Variants in CLSTN2 observed in about 807,000 individuals in gnomAD.
The protein encoded by CLSTN2 is calsyntenin 2.
CLSTN2 carries 48 observed loss-of-function variants against 101.2 expected under a neutral mutation model. That is an observed-to-expected ratio of 0.47 (90% CI 0.38 to 0.60). CLSTN2 has a LOEUF of 0.60. CLSTN2 is among the 20% of genes least tolerant of loss of function. CLSTN2 has a pLI of 0.00. For missense variants in CLSTN2, 1,160 were observed against 1,238.2 expected (o/e 0.94, Z 0.95); for synonymous variants, 481 against 463.6 (o/e 1.04, Z -0.48).
intron 1 of CLSTN2, among the ~76,000 whole-genome samples, chr3:140,151,974 G>T (rs531562778): frequency 1.3e-5 from 2 of 152,252 alleles, no homozygotes; most frequent in East Asian, 1.9e-4. Context: ...ACCATCTTTT[G>T]CTTCTCCGCC....
At chr3:140,167,661 G>T (rs1458955835) in intron 1 of CLSTN2, among the ~76,000 whole-genome samples, 1 of 152,142 alleles carries the variant, frequency 6.6e-6, no homozygotes, top group African/African-American at 2.4e-5. Context: ...ATACAGAATG[G>T]TTTCATCGTC....
intron 1 of CLSTN2, among the ~76,000 whole-genome samples, chr3:139,963,419 C>T (rs115939323): frequency 0.012 from 1,774 of 152,076 alleles, 25 homozygotes; most frequent in African/African-American, 0.04. Context: ...CCTGTATGCC[C>T]AATAGACTTC....
intron 10 of CLSTN2, among the ~76,000 whole-genome samples, chr3:140,554,205 G>T (rs969191935): frequency 2.0e-4 from 30 of 152,286 alleles, no homozygotes; most frequent in African/African-American, 7.0e-4. Context: ...AAGTACACAT[G>T]TGATGGTCGA....
Position 140,305,069 on chromosome 3 carries a change from CTCTG to C in CLSTN2, c.233-98556_233-98553del, listed in dbSNP as rs1321451914. ...ACACACACACACTCTCTCTCTCTCT[CTCTG>C]TCTCTCTTTCTCTCTCTCTCTCTAT... is the stretch of plus-strand genomic sequence containing the variant. On this transcript the variant is annotated intron_variant, in intron 2 of 16. Coordinates refer to ENST00000458420, the MANE Select transcript of CLSTN2 (RefSeq NM_022131.3). Among the ~76,000 whole-genome samples the C allele has an allele frequency of 1.3e-3, 190 of 151,586 alleles. 2 individuals carry two copies. The highest frequency in any genetic ancestry group is 9.6e-3 in the Admixed American group (145 of 15,182).
At chr3:140,095,066 G>A (rs372584320) in intron 1 of CLSTN2, among the ~76,000 whole-genome samples, 11 of 152,276 alleles carry the variant, frequency 7.2e-5, no homozygotes, top group African/African-American at 2.6e-4. Context: ...TGAGAGTCTT[G>A]TAGTATTCTT....
At chr3:140,014,921 G>C (rs1298492317) in intron 1 of CLSTN2, among the ~76,000 whole-genome samples, 1 of 152,228 alleles carries the variant, frequency 6.6e-6, no homozygotes, top group Non-Finnish European at 1.5e-5. Context: ...TGGCTCCTCT[G>C]TGTCAAGAAC....
At chr3:140,108,835 T>C (rs997940870) in intron 1 of CLSTN2, among the ~76,000 whole-genome samples, 5 of 152,264 alleles carry the variant, frequency 3.3e-5, no homozygotes, top group African/African-American at 1.2e-4. Flanking sequence ...AAGGAAATTC[T>C]TCAACCAAAG....
At chr3:140,526,595 CAA>C (rs56965995) in intron 8 of CLSTN2, among the ~76,000 whole-genome samples, 9,107 of 98,934 alleles carry the variant, frequency 0.092, 905 homozygotes, top group African/African-American at 0.26. Context: ...AACAAACAAA[CAA>C]AAAAAAAAAA....
chr3:140,511,716 A>ATT (rs34793896), intron 8 of CLSTN2, among the ~76,000 whole-genome samples: 27,295 of 142,210 alleles, frequency 0.19, 2,717 homozygotes, highest in Non-Finnish European at 0.24. Context: ...CACCTGGCTA[A>ATT]TTTTTTTTTT....
At chr3:140,333,582 T>C (rs2087409562) in intron 2 of CLSTN2, among the ~76,000 whole-genome samples, 1 of 152,120 alleles carries the variant, frequency 6.6e-6, no homozygotes, top group Non-Finnish European at 1.5e-5. Flanking sequence ...CTCCCCTCAG[T>C]AGAATTCTCT....
chr3:140,114,300 A>G (rs550558481), intron 1 of CLSTN2, among the ~76,000 whole-genome samples: 4 of 152,170 alleles, frequency 2.6e-5, no homozygotes, highest in Non-Finnish European at 4.4e-5. Flanking sequence ...TTTCTTTGCC[A>G]AGAATGCTCT....
Position 140,558,803 on chromosome 3 carries a change from A to G in CLSTN2, c.1987A>G (p.Lys663Glu), listed in dbSNP as rs1449846427. Reference sequence around the variant, plus strand: ...GGGAGTGACCCTCTTCCCTGATATCAAGATTGTGAGCACCTTCGCCAAAAC... The same window carrying G: ...GGGAGTGACCCTCTTCCCTGATATCGAGATTGTGAGCACCTTCGCCAAAAC... ...ARGVTLFPDI[K>E]IVSTFAKTEA... is the part of the protein sequence containing the mutation. Residue 663 changes from lysine to glutamate, a missense_variant, in exon 12 of 17, where the codon AAG becomes GAG. Transcript: ENST00000458420. 1 of 1,613,908 alleles carries G rather than the reference A, an allele frequency of 6.2e-7. No homozygotes were observed. The highest frequency in any genetic ancestry group is 8.5e-7 in the Non-Finnish European group (1 of 1,180,002).
intron 2 of CLSTN2, among the ~76,000 whole-genome samples, chr3:140,385,520 C>G (rs980654439): frequency 6.6e-6 from 1 of 151,848 alleles, no homozygotes; most frequent in Admixed American, 6.6e-5. Flanking sequence ...AGGTGCCCAC[C>G]ACCACGCCTG....
rs79920967 is a variant in CLSTN2 at position 140,295,157 on chromosome 3, T to G, written c.233-108472T>G. 8.6e-3 allele frequency among the ~76,000 whole-genome samples: 1,308 copies of G among 152,312 alleles called. 14 individuals carry two copies. Among genetic ancestry groups the G allele is most frequent in the African/African-American group, 0.029 (1,201 of 41,568 alleles). On this transcript the variant is annotated intron_variant, in intron 2 of 16. Coordinates refer to ENST00000458420, the MANE Select transcript of CLSTN2 (RefSeq NM_022131.3). ...GCCAGTTTTCTAGGAAAAAGCCATA[T>G]CTTGCTTTTTTATATTCATTTTATT...
At chr3:140,099,073 C>T (rs759019900) in intron 1 of CLSTN2, among the ~76,000 whole-genome samples, 1 of 152,122 alleles carries the variant, frequency 6.6e-6, no homozygotes, top group African/African-American at 2.4e-5. Context: ...TCTGCTGGTC[C>T]GTATGTGGCT....
intron 1 of CLSTN2, among the ~76,000 whole-genome samples, chr3:139,949,126 C>T (rs575345292): frequency 1.1e-3 from 163 of 152,322 alleles, no homozygotes; most frequent in Non-Finnish European, 1.9e-3. Flanking sequence ...CCCTGGGGCA[C>T]TCCCCTCCCT....
intron 9 of CLSTN2, among the ~76,000 whole-genome samples, chr3:140,538,596 C>A (rs1845472): frequency 2.0e-5 from 3 of 152,076 alleles, no homozygotes; most frequent in African/African-American, 7.2e-5. Context: ...AGGTCATTTT[C>A]TTCTGCCAGA....
chr3:139,990,200 A>C (rs1936093381), intron 1 of CLSTN2, among the ~76,000 whole-genome samples: 2 of 152,206 alleles, frequency 1.3e-5, no homozygotes, highest in Admixed American at 6.5e-5. Context: ...TTCATTAAGG[A>C]ACATTACTAG....
At position 140,407,373 on chromosome 3, in the gene CLSTN2, T is replaced by A. The variant is rs113150473; in HGVS notation, c.637+2607T>A. On this transcript the variant is annotated intron_variant, in intron 4 of 16. Transcript: ENST00000458420. ...GGGTAAAGAATGGCAGCAGGGAGAA[T>A]AGAAGACACAATGTGGAGTCAACCT... Among the ~76,000 whole-genome samples the A allele has an allele frequency of 9.5e-3, 1,447 of 152,186 alleles. 21 individuals are homozygous for A. Among genetic ancestry groups the A allele is most frequent in the African/African-American group, 0.031 (1,291 of 41,506 alleles).
Sources: gnomAD v4.1 joint callset for allele counts (sites outside exome capture counted in the v4.1 genomes callset) on GRCh38, gnomAD v4.1.1 for gene constraint, MANE v1.5 for transcripts, NCBI Gene and HGNC (gene_info 2026-07-23, HGNC 2026-07-21) for gene names.